ABLIM1: variants seen among roughly 807,000 people sequenced by gnomAD.
ABLIM1 encodes actin-binding LIM protein 1.
ABLIM1 carries 40 observed loss-of-function variants against 107.0 expected under a neutral mutation model. The observed-to-expected ratio is 0.37, with a 90% CI of 0.29 to 0.49. The LOEUF is 0.49. Ranked by LOEUF, ABLIM1 falls within the 20% of genes least tolerant of loss-of-function variation. ABLIM1 has a pLI of 0.97. For synonymous variants in ABLIM1, 357 were observed against 357.3 expected (o/e 1.00, Z 0.01); for missense variants, 857 against 1,008.5 (o/e 0.85, Z 2.04).
intron 1 of ABLIM1, among the ~76,000 whole-genome samples, chr10:114,633,708 G>C (rs2078315408): frequency 6.6e-6 from 1 of 152,118 alleles, no homozygotes; most frequent in African/African-American, 2.4e-5. Flanking sequence ...CAGAGTTCAA[G>C]AGCATCCAGG....
chr10:114,604,202 C>A (rs897252570), intron 1 of ABLIM1, among the ~76,000 whole-genome samples: 2 of 152,192 alleles, frequency 1.3e-5, no homozygotes, highest in Non-Finnish European at 2.9e-5. Flanking sequence ...AGCCGCAGAG[C>A]TGAACAACCT....
At chr10:114,623,276 C>G (rs1259226447) in intron 1 of ABLIM1, among the ~76,000 whole-genome samples, 1 of 152,212 alleles carries the variant, frequency 6.6e-6, no homozygotes, top group Non-Finnish European at 1.5e-5. Context: ...GTTGCCTTCT[C>G]CAAGTCACGC....
At chr10:114,465,926 A>T in intron 11 of ABLIM1, 99 bp from the exon 12 acceptor site, 3 of 1,358,780 alleles carry the variant, frequency 2.2e-6, no homozygotes, top group Non-Finnish European at 3.0e-6. Flanking sequence ...ACTTGTTTAT[A>T]TATATTTGAT....
At chr10:114,705,415 G>T (rs1022224424) in intron 1 of ABLIM1, among the ~76,000 whole-genome samples, 1 of 152,172 alleles carries the variant, frequency 6.6e-6, no homozygotes, top group Non-Finnish European at 1.5e-5. Flanking sequence ...CTCATGAGGG[G>T]ATAGGTCACC....
intron 6 of ABLIM1, among the ~76,000 whole-genome samples, chr10:114,513,341 C>T (rs1228700612): frequency 6.6e-6 from 1 of 152,116 alleles, no homozygotes; most frequent in Non-Finnish European, 1.5e-5. Context: ...GCAAGATATG[C>T]TATAATGGCT....
At chr10:114,679,356 C>T (rs953959084) in intron 1 of ABLIM1, among the ~76,000 whole-genome samples, 2 of 151,974 alleles carry the variant, frequency 1.3e-5, no homozygotes, top group Non-Finnish European at 2.9e-5. Flanking sequence ...TAAACCTTGC[C>T]GGGAGTGGTG....
chr10:114,589,787 T>C (rs1471395829), intron 2 of ABLIM1, among the ~76,000 whole-genome samples: 1 of 152,180 alleles, frequency 6.6e-6, no homozygotes, highest in Non-Finnish European at 1.5e-5. Context: ...AAATAAGGTT[T>C]ATAAAGTAAA....
At chr10:114,513,528 T>C (rs910900746) in intron 6 of ABLIM1, among the ~76,000 whole-genome samples, 2 of 152,182 alleles carry the variant, frequency 1.3e-5, no homozygotes, top group African/African-American at 4.8e-5. Context: ...AATACCACAC[T>C]GTGGCAATTT....
At chr10:114,457,286 T>C (rs1288136170) in intron 12 of ABLIM1, among the ~76,000 whole-genome samples, 1 of 152,150 alleles carries the variant, frequency 6.6e-6, no homozygotes, top group Non-Finnish European at 1.5e-5. Flanking sequence ...TTATTTTTTT[T>C]TGAGACAGAG....
intron 1 of ABLIM1, among the ~76,000 whole-genome samples, chr10:114,603,682 G>T (rs938889273): frequency 6.6e-6 from 1 of 151,012 alleles, no homozygotes; most frequent in African/African-American, 2.4e-5. Flanking sequence ...GGCTTGGCAC[G>T]GTGGCTCACA....
At chr10:114,538,553 G>A (rs1044293178) in intron 6 of ABLIM1, among the ~76,000 whole-genome samples, 2 of 152,130 alleles carry the variant, frequency 1.3e-5, no homozygotes, top group Non-Finnish European at 2.9e-5. Flanking sequence ...TAAATACCAC[G>A]AGACACAAGG....
chr10:114,496,577 G>A (rs927656935), intron 6 of ABLIM1, among the ~76,000 whole-genome samples: 1 of 152,150 alleles, frequency 6.6e-6, no homozygotes, highest in African/African-American at 2.4e-5. Context: ...TGGGTTGCCA[G>A]GTGCAGCAAA....
intron 6 of ABLIM1, chr10:114,502,419 T>C (rs911426810): frequency 6.6e-6 from 1 of 152,144 alleles, no homozygotes; most frequent in African/African-American, 2.4e-5. Context: ...TCTTACAAGG[T>C]AGGTAGAAAG....
At position 114,441,587 on chromosome 10, in the gene ABLIM1, C is replaced by A; in HGVS notation, c.1998+135G>T. ...TAACTCAAATTAATTTACTAGGCAA[C>A]CAGGGAGGTTAAAATTTTCATTATG... On this transcript the variant is annotated intron_variant, in intron 18 of 22. Coordinates refer to ENST00000533213, the MANE Select transcript of ABLIM1 (RefSeq NM_002313.7). 6.9e-6 allele frequency: 5 copies of A among 729,112 alleles called. No individual in the cohort carries two copies. The South Asian group carries it at 6.9e-5, about 10-fold the overall frequency. The allele number at this position is 729,112 out of a possible 1,614,324, so 45.2% of individuals were successfully genotyped here.
chr10:114,437,781 G>A, intron 22 of ABLIM1, 63 bp downstream of exon 22: 2 of 1,353,836 alleles, frequency 1.5e-6, no homozygotes, highest in South Asian at 1.2e-5. Flanking sequence ...CATTGCTTAG[G>A]GGAGAGTTGG....
chr10:114,498,316 AT>A (rs2059962797), intron 6 of ABLIM1, among the ~76,000 whole-genome samples: 1 of 152,214 alleles, frequency 6.6e-6, no homozygotes, highest in African/African-American at 2.4e-5. Flanking sequence ...CAGAAGAGCA[AT>A]TTTGGTAGAG....
At chr10:114,613,790 C>T in intron 1 of ABLIM1, 3 of 1,268,288 alleles carry the variant, frequency 2.4e-6, no homozygotes, top group Non-Finnish European at 3.1e-6. Flanking sequence ...ACCTAGGCTC[C>T]TGACTCCTCC....
intron 14 of ABLIM1, among the ~76,000 whole-genome samples, chr10:114,449,040 CATT>C (rs1281777018): frequency 3.3e-5 from 5 of 152,214 alleles, no homozygotes; most frequent in Non-Finnish European, 5.9e-5. Flanking sequence ...CGTTTCCACT[CATT>C]GTTTTGTTCA....
intron 6 of ABLIM1, among the ~76,000 whole-genome samples, chr10:114,531,584 C>T (rs1185796215): frequency 6.6e-6 from 1 of 152,234 alleles, no homozygotes; most frequent in Non-Finnish European, 1.5e-5. Flanking sequence ...GTGATGCGAT[C>T]TCAGCTCACT....
Sources: allele counts gnomAD v4.1 joint callset (sites outside exome capture counted in the v4.1 genomes callset), GRCh38; gene constraint gnomAD v4.1.1; transcripts MANE v1.5; gene names NCBI Gene and HGNC (gene_info 2026-07-23, HGNC 2026-07-21).